Variants in PTPRD observed in about 807,000 individuals in gnomAD.
The protein encoded by PTPRD is protein tyrosine phosphatase receptor type D, also known as receptor-type tyrosine-protein phosphatase delta.
A neutral mutation model predicts 214.5 loss-of-function variants in PTPRD; 34 were observed. The observed-to-expected ratio is 0.16, with a 90% CI of 0.12 to 0.21. The LOEUF is 0.21. Ranked by LOEUF, PTPRD falls within the 10% of genes least tolerant of loss-of-function variation. PTPRD has a pLI of 1.00. For missense variants in PTPRD, 2,545 were observed against 2,398.7 expected (o/e 1.06, Z -1.27); for synonymous variants, 1,128 against 845.7 (o/e 1.33, Z -5.79).
intron 8 of PTPRD, among the ~76,000 whole-genome samples, chr9:9,433,017 T>A (rs998058756): frequency 1.3e-5 from 2 of 152,128 alleles, no homozygotes; most frequent in Non-Finnish European, 2.9e-5. Context: ...AATATGTGTG[T>A]GTTTCCGAAT....
intron 31 of PTPRD, among the ~76,000 whole-genome samples, chr9:8,468,376 A>T (rs969167217): frequency 1.3e-5 from 2 of 152,002 alleles, no homozygotes; most frequent in African/African-American, 4.8e-5. Flanking sequence ...ATGATCTATT[A>T]CATGACCTGC....
intron 35 of PTPRD, among the ~76,000 whole-genome samples, chr9:8,429,951 G>C (rs1014351432): frequency 2.6e-5 from 4 of 152,180 alleles, no homozygotes; most frequent in Non-Finnish European, 4.4e-5. Flanking sequence ...CTTGAAACTA[G>C]ATGTCTGATG....
intron 3 of PTPRD, among the ~76,000 whole-genome samples, chr9:10,126,965 G>A (rs1192881835): frequency 1.7e-5 from 2 of 120,052 alleles, no homozygotes; most frequent in Non-Finnish European, 3.4e-5. Context: ...TTTTTTTTTG[G>A]CAGAAACACT....
intron 7 of PTPRD, among the ~76,000 whole-genome samples, chr9:9,575,576 C>T (rs1450822639): frequency 1.3e-5 from 2 of 151,122 alleles, no homozygotes; most frequent in African/African-American, 4.9e-5. Context: ...AAATATTAGC[C>T]ACCTGTGGTG....
intron 11 of PTPRD, among the ~76,000 whole-genome samples, chr9:8,799,619 C>A (rs1049603565): frequency 5.9e-5 from 9 of 152,146 alleles, no homozygotes; most frequent in Non-Finnish European, 1.3e-4. Context: ...GTCTTAGCAA[C>A]CAACTGAAAA....
intron 2 of PTPRD, among the ~76,000 whole-genome samples, chr9:10,460,098 C>T (rs573657305): frequency 5.9e-4 from 89 of 151,952 alleles, no homozygotes; most frequent in African/African-American, 2.0e-3. Context: ...ACACAAATAA[C>T]GACCTAGACC....
intron 11 of PTPRD, among the ~76,000 whole-genome samples, chr9:8,995,066 A>G (rs1315792877): frequency 6.6e-6 from 1 of 152,074 alleles, no homozygotes; most frequent in East Asian, 1.9e-4. Flanking sequence ...AACCTGTTCA[A>G]GACCAGAAGA....
chr9:9,512,834 G>C (rs1468563706), intron 8 of PTPRD, among the ~76,000 whole-genome samples: 1 of 148,704 alleles, frequency 6.7e-6, no homozygotes, highest in Non-Finnish European at 1.5e-5. Flanking sequence ...GTTCTCTTTA[G>C]AGTGCAAGAC....
intron 4 of PTPRD, among the ~76,000 whole-genome samples, chr9:9,981,990 GATTA>G (rs1478168984): frequency 4.6e-5 from 7 of 152,082 alleles, no homozygotes; most frequent in African/African-American, 1.4e-4. Context: ...AAAATTACTT[GATTA>G]ATTATCAGTA....
chr9:8,373,588 GT>G (rs1588963386), intron 39 of PTPRD, among the ~76,000 whole-genome samples: 1 of 150,960 alleles, frequency 6.6e-6, no homozygotes, highest in Admixed American at 6.6e-5. Flanking sequence ...GTGAGTCCAG[GT>G]GGCTTAACAT....
At chr9:8,557,959 C>T (rs1195436749) in intron 14 of PTPRD, among the ~76,000 whole-genome samples, 1 of 151,474 alleles carries the variant, frequency 6.6e-6, no homozygotes, top group Non-Finnish European at 1.5e-5. Flanking sequence ...TCCTTTAAGC[C>T]ACCACTATAA....
intron 9 of PTPRD, among the ~76,000 whole-genome samples, chr9:9,228,976 T>C (rs1006004349): frequency 1.3e-5 from 2 of 152,148 alleles, no homozygotes; most frequent in Admixed American, 6.6e-5. Context: ...GGCTTATCTA[T>C]AAAGGTAAGA....
chr9:8,699,643 A>T (rs2098026072), intron 12 of PTPRD, among the ~76,000 whole-genome samples: 1 of 152,212 alleles, frequency 6.6e-6, no homozygotes, highest in Admixed American at 6.5e-5. Flanking sequence ...ATAATTTCAT[A>T]TACCAATATG....
At position 10,029,900 on chromosome 9, in the gene PTPRD, G is replaced by C. The variant is rs530099843; in HGVS notation, c.-472+3818C>G. Among the ~76,000 whole-genome samples, 4 of 152,246 alleles carry C rather than the reference G, an allele frequency of 2.6e-5. No homozygotes were observed. In the South Asian group the frequency reaches 8.3e-4, roughly 32 times the overall value. On this transcript the variant is annotated intron_variant, in intron 4 of 45. Coordinates refer to ENST00000381196, the MANE Select transcript of PTPRD (RefSeq NM_002839.4). ...TGTGTCCCCACTCAAATTTCATCTTGAATTTCCATGTGTTGTGGGAGGGAC... is the reference window on the plus strand; with the variant it reads ...TGTGTCCCCACTCAAATTTCATCTTCAATTTCCATGTGTTGTGGGAGGGAC...
intron 9 of PTPRD, among the ~76,000 whole-genome samples, chr9:9,238,534 G>C (rs1005468188): frequency 6.6e-6 from 1 of 152,024 alleles, no homozygotes; most frequent in Admixed American, 6.6e-5. Context: ...CATTGGTTAA[G>C]TTAGCTAAAG....
At chr9:9,822,457 AATAT>A (rs933335882) in intron 5 of PTPRD, among the ~76,000 whole-genome samples, 17 of 147,918 alleles carry the variant, frequency 1.1e-4, no homozygotes, top group African/African-American at 3.9e-4. Flanking sequence ...CATAATATAC[AATAT>A]ATATGTAATA....
chr9:9,491,290 G>A (rs1281189926), intron 8 of PTPRD, among the ~76,000 whole-genome samples: 1 of 151,804 alleles, frequency 6.6e-6, no homozygotes, highest in African/African-American at 2.4e-5. Context: ...AGACCATAGA[G>A]ACATATGAAA....
At chr9:9,387,209 A>G (rs920203502) in intron 9 of PTPRD, among the ~76,000 whole-genome samples, 1 of 152,216 alleles carries the variant, frequency 6.6e-6, no homozygotes, top group South Asian at 2.1e-4. Context: ...TGTGAAATCT[A>G]GTAAAGACCC....
chr9:8,335,725 A>G (rs1249006883), intron 43 of PTPRD, among the ~76,000 whole-genome samples: 1 of 152,172 alleles, frequency 6.6e-6, no homozygotes, highest in Non-Finnish European at 1.5e-5. Flanking sequence ...AGATGACATG[A>G]TTGTATATTT....
Sources: allele counts gnomAD v4.1 joint callset (sites outside exome capture counted in the v4.1 genomes callset), GRCh38; gene constraint gnomAD v4.1.1; transcripts MANE v1.5; gene names NCBI Gene and HGNC (gene_info 2026-07-23, HGNC 2026-07-21).